The following PDE8B variants were observed in gnomAD, a reference collection of about 807,000 sequenced individuals.
PDE8B encodes the protein phosphodiesterase 8B, also known as high affinity cAMP-specific and IBMX-insensitive 3',5'-cyclic phosphodiesterase 8B.
PDE8B carries 26 observed loss-of-function variants against 101.3 expected under a neutral mutation model. The observed-to-expected ratio is 0.26, with a 90% CI of 0.19 to 0.36. The LOEUF (loss-of-function observed/expected upper bound fraction) is 0.36, where lower values mean the gene tolerates loss of function less well. PDE8B is among the 10% of genes least tolerant of loss of function. The pLI, the probability that PDE8B is intolerant of heterozygous loss-of-function variation, is 1.00. For synonymous variants in PDE8B, 424 were observed against 429.3 expected, an observed-to-expected ratio of 0.99 and a Z score of 0.15; for missense variants, 810 against 1,163.1, an observed-to-expected ratio of 0.70 and a Z score of 4.42.
intron 1 of PDE8B, among the ~76,000 whole-genome samples, chr5:77,225,784 A>G (rs1017109567): frequency 6.6e-6 from 1 of 151,956 alleles, no homozygotes; most frequent in Non-Finnish European, 1.5e-5. Context: ...CTTTCCCATG[A>G]CATAAATCCT....
At chr5:77,156,921 G>A in the PDE8B span, among the ~76,000 whole-genome samples, 3 of 152,176 alleles carry the variant, frequency 2.0e-5, no homozygotes, top group African/African-American at 7.2e-5. Context: ...GAAGAGGAAA[G>A]TCAGGGTAGC....
At chr5:77,423,639 T>G (rs397830536) in intron 20 of PDE8B, among the ~76,000 whole-genome samples, 24,735 of 110,654 alleles carry the variant, frequency 0.22, 3,645 homozygotes, top group East Asian at 0.36. Context: ...TTAGTTTTTT[T>G]TTTTTTTTTT....
intron 1 of PDE8B, among the ~76,000 whole-genome samples, chr5:77,245,663 C>T (rs1255716531): frequency 6.6e-6 from 1 of 152,158 alleles, no homozygotes; most frequent in East Asian, 1.9e-4. Flanking sequence ...AAGGGCTATG[C>T]ACTTATTTGA....
chr5:77,331,266 C>T (rs1009741832), intron 4 of PDE8B, 136 bp from the exon 5 acceptor site: 1 of 786,030 alleles, frequency 1.3e-6, no homozygotes. Flanking sequence ...GGCAGGTGTG[C>T]CCCGTGGGCA....
chr5:77,095,182 A>G, the PDE8B span, among the ~76,000 whole-genome samples: 1 of 152,004 alleles, frequency 6.6e-6, no homozygotes, highest in South Asian at 2.1e-4. Context: ...TTTTTGCTAA[A>G]GCTTTGGTTA....
At chr5:77,096,631 C>T in the PDE8B span, among the ~76,000 whole-genome samples, 1 of 152,180 alleles carries the variant, frequency 6.6e-6, no homozygotes. Flanking sequence ...TCCCACTGGG[C>T]TCTTCCTCTC....
intron 10 of PDE8B, among the ~76,000 whole-genome samples, chr5:77,388,855 G>A (rs1789301457): frequency 6.6e-6 from 1 of 152,124 alleles, no homozygotes; most frequent in Non-Finnish European, 1.5e-5. Flanking sequence ...ACTTCCTGGT[G>A]GCTTTGTTTA....
intron 11 of PDE8B, 31 bp downstream of exon 11, chr5:77,400,321 C>G (rs768210996): frequency 1.5e-6 from 2 of 1,366,314 alleles, no homozygotes; most frequent in Non-Finnish European, 2.1e-6. Flanking sequence ...CTCTAACATA[C>G]TTAGGAGGCA....
chr5:77,421,252 G>A (rs1796573886), intron 19 of PDE8B, among the ~76,000 whole-genome samples: 1 of 152,172 alleles, frequency 6.6e-6, no homozygotes, highest in Non-Finnish European at 1.5e-5. Context: ...AAGAAAACAT[G>A]AGTGGACACA....
At chr5:77,413,338 C>T (rs865958070) in intron 17 of PDE8B, 29 bp downstream of exon 17, 6 of 1,576,426 alleles carry the variant, frequency 3.8e-6, no homozygotes, top group South Asian at 1.1e-5. Flanking sequence ...GACCTAGTTA[C>T]CTGCCTGGAT....
intron 20 of PDE8B, 83 bp from the exon 21 acceptor site, chr5:77,425,684 A>AT: frequency 7.1e-7 from 1 of 1,417,188 alleles, no homozygotes; most frequent in Non-Finnish European, 1.0e-6. Context: ...ACCCATTTTC[A>AT]CAGGGTTGTT....
intron 10 of PDE8B, among the ~76,000 whole-genome samples, chr5:77,371,943 G>A (rs1785144084): frequency 6.6e-6 from 1 of 152,182 alleles, no homozygotes; most frequent in Admixed American, 6.5e-5. Context: ...GCTCACGCCT[G>A]TAATCCCAAC....
the PDE8B span, among the ~76,000 whole-genome samples, chr5:77,127,304 A>G: frequency 1.3e-5 from 2 of 152,096 alleles, no homozygotes; most frequent in Non-Finnish European, 2.9e-5. Flanking sequence ...TGTTCTCGTG[A>G]TAATGAGTGG....
chr5:77,353,240 G>A (rs1781475677), intron 9 of PDE8B, 106 bp from the exon 10 acceptor site: 1 of 744,770 alleles, frequency 1.3e-6, no homozygotes, highest in Non-Finnish European at 2.5e-6. Flanking sequence ...ACTGCCCTAG[G>A]ACGAACCCTG....
the PDE8B span, chr5:77,088,515 G>A: frequency 2.0e-5 from 3 of 149,130 alleles, no homozygotes; most frequent in African/African-American, 7.5e-5. Flanking sequence ...GTTGGGGGAA[G>A]GTTGGGGGTG....
intron 1 of PDE8B, among the ~76,000 whole-genome samples, chr5:77,249,957 C>T (rs181035140): frequency 6.6e-6 from 1 of 152,340 alleles, no homozygotes; most frequent in Admixed American, 6.5e-5. Flanking sequence ...GCAGAGGTTT[C>T]TTCAGTTGGT....
At chr5:77,193,265 T>C in the PDE8B span, among the ~76,000 whole-genome samples, 1 of 152,190 alleles carries the variant, frequency 6.6e-6, no homozygotes, top group Non-Finnish European at 1.5e-5. Flanking sequence ...TCACAAAGAT[T>C]TTTTCCTATG....
intron 1 of PDE8B, among the ~76,000 whole-genome samples, chr5:77,225,848 G>GCACACACA (rs3087185): frequency 0.012 from 1,700 of 144,308 alleles, 18 homozygotes; most frequent in African/African-American, 0.038. Flanking sequence ...ACATGCGCGT[G>GCACACACA]CACACACACA....
the PDE8B span, among the ~76,000 whole-genome samples, chr5:77,089,131 AG>A: frequency 1.3e-5 from 2 of 151,980 alleles, no homozygotes; most frequent in Non-Finnish European, 2.9e-5. Flanking sequence ...GAGTTGAGTA[AG>A]GGGCAAGCAA....
Sources: allele counts gnomAD v4.1 joint callset (sites outside exome capture counted in the v4.1 genomes callset), GRCh38; gene constraint gnomAD v4.1.1; transcripts MANE v1.5; gene names NCBI Gene and HGNC (gene_info 2026-07-23, HGNC 2026-07-21).